DGUOK: variants seen among roughly 807,000 people sequenced by gnomAD.
The protein encoded by DGUOK is deoxyguanosine kinase, mitochondrial.
In DGUOK, 30 loss-of-function variants were observed where a neutral mutation model predicts 36.6. The ratio of observed to expected loss-of-function variants is 0.82; its 90% confidence interval spans 0.61 to 1.11. The LOEUF is 1.11. Among genes scored for constraint, DGUOK ranks in the 50% most tolerant of loss-of-function variants. DGUOK has a pLI of 0.00. For synonymous variants in DGUOK, 145 were observed against 126.3 expected (o/e 1.15, Z -0.99); for missense variants, 361 against 336.4 (o/e 1.07, Z -0.57).
At position 73,958,798 on chromosome 2, in the gene DGUOK, TTG is replaced by T. The variant is rs1188751688; in HGVS notation, c.*66_*67del. 5.6e-5 allele frequency: 81 copies of T among 1,434,712 alleles called. No homozygotes were observed. In the African/African-American group the frequency reaches 1.0e-3, roughly 18 times the overall value. 88.9% of individuals were successfully genotyped at this position (1,434,712 alleles called of 1,614,324 possible). On this transcript the variant is annotated 3_prime_UTR_variant, in exon 7 of 7. Coordinates refer to ENST00000264093, the MANE Select transcript of DGUOK (RefSeq NM_080916.3). ...CTGACTTTCTGAAGCTAGAAAAATGTTGTGTCTCCCAACCACCTTTCCATCCC... is the reference window on the plus strand; with the variant it reads ...CTGACTTTCTGAAGCTAGAAAAATGTTGTCTCCCAACCACCTTTCCATCCC...
Position 73,927,003 on chromosome 2 carries a change from C to A in DGUOK, c.93C>A (p.Gly31=), listed in dbSNP as rs549112717. 8 of 1,611,906 alleles carry A rather than the reference C, an allele frequency of 5.0e-6. No homozygotes were observed. The Admixed American group carries it at 1.3e-4, about 27-fold the overall frequency. Residue 31 remains glycine, a synonymous_variant, in exon 1 of 7, where the codon GGC becomes GGA. Coordinates refer to ENST00000264093, the MANE Select transcript of DGUOK (RefSeq NM_080916.3). The part of the protein sequence containing the change: ...SPLEGVSSSR[G]LHAGRGPRRL... The stretch of plus-strand genomic sequence containing the variant: ...TCGAGGGCGTTTCCTCCTCCAGAGG[C>A]CTGCACGCGGGGCGCGGGCCCCGAA...
At chr2:73,935,764 C>T (rs1681413673) in intron 1 of DGUOK, among the ~76,000 whole-genome samples, 1 of 152,180 alleles carries the variant, frequency 6.6e-6, no homozygotes, top group South Asian at 2.1e-4. Flanking sequence ...GATTACTAAA[C>T]TAGCTTTCCA....
At chr2:73,946,073 T>G (rs1029288405) in intron 2 of DGUOK, among the ~76,000 whole-genome samples, 8 of 91,950 alleles carry the variant, frequency 8.7e-5, no homozygotes, top group Non-Finnish European at 1.2e-4. Context: ...AAAAAAAAAA[T>G]CCGGGGCTGC....
At chr2:73,928,152 A>T (rs1396278612) in intron 1 of DGUOK, among the ~76,000 whole-genome samples, 4 of 151,952 alleles carry the variant, frequency 2.6e-5, no homozygotes, top group African/African-American at 9.7e-5. Flanking sequence ...TTTGAGATGG[A>T]GTTTTGCTCT....
chr2:73,953,649 C>A (rs1258623664), intron 4 of DGUOK, among the ~76,000 whole-genome samples: 2 of 151,162 alleles, frequency 1.3e-5, no homozygotes, highest in Non-Finnish European at 2.9e-5. Context: ...CTCGTAAATA[C>A]TGAGTTTCGA....
intron 4 of DGUOK, among the ~76,000 whole-genome samples, chr2:73,951,800 C>T (rs548174868): frequency 6.6e-6 from 1 of 152,290 alleles, no homozygotes; most frequent in Admixed American, 6.5e-5. Context: ...TTGAGAGTTT[C>T]TGGACATTTT....
intron 2 of DGUOK, among the ~76,000 whole-genome samples, chr2:73,939,773 ATGT>A (rs1681760926): frequency 6.6e-6 from 1 of 152,202 alleles, no homozygotes; most frequent in Non-Finnish European, 1.5e-5. Context: ...TTAATGAGCC[ATGT>A]TGCACCCCTG....
Position 73,927,004 on chromosome 2 carries a change from CTGCACG to C in DGUOK, c.95_100del (p.Leu32_Ala34delinsPro). Reference sequence around the variant, plus strand: ...CGAGGGCGTTTCCTCCTCCAGAGGCCTGCACGCGGGGCGCGGGCCCCGAAGGCTCTC... The same window carrying C: ...CGAGGGCGTTTCCTCCTCCAGAGGCCCGGGGCGCGGGCCCCGAAGGCTCTC... On this transcript the variant is annotated inframe_deletion, in exon 1 of 7. Transcript: ENST00000264093. 6.2e-7 allele frequency: 1 copy of C among 1,611,852 alleles called. No individual in the cohort carries two copies. Among genetic ancestry groups the C allele is most frequent in the Non-Finnish European group, 8.5e-7 (1 of 1,180,036 alleles).
chr2:73,930,782 C>CTTTTTTTTTTTTTTTTTTTTTT (rs1020072202), intron 1 of DGUOK, among the ~76,000 whole-genome samples: 1 of 95,476 alleles, frequency 1.0e-5, no homozygotes, highest in South Asian at 3.6e-4. Context: ...ACATAATTTT[C>CTTTTTTTTTTTTTTTTTTTTTT]TTTTTTTTTT....
chr2:73,947,309 G>A (rs1682406824), intron 3 of DGUOK, among the ~76,000 whole-genome samples: 1 of 151,662 alleles, frequency 6.6e-6, no homozygotes, highest in Non-Finnish European at 1.5e-5. Context: ...GAAAAAAGCA[G>A]ACGAAATTAA....
intron 2 of DGUOK, among the ~76,000 whole-genome samples, chr2:73,941,876 T>G (rs1681925557): frequency 6.6e-6 from 1 of 151,928 alleles, no homozygotes; most frequent in Non-Finnish European, 1.5e-5. Flanking sequence ...ATGTTAAGTA[T>G]ATTAACTCTG....
At chr2:73,931,556 C>T (rs73950322) in intron 1 of DGUOK, among the ~76,000 whole-genome samples, 9,431 of 152,148 alleles carry the variant, frequency 0.062, 459 homozygotes, top group African/African-American at 0.13. Context: ...TGTCGAAGAG[C>T]CTTGTGGACC....
chr2:73,949,080 T>C (rs1235496389), intron 3 of DGUOK, among the ~76,000 whole-genome samples: 2 of 152,084 alleles, frequency 1.3e-5, no homozygotes, highest in Non-Finnish European at 2.9e-5. Context: ...GTCTCCTGAG[T>C]AGCTGGGATT....
chr2:73,933,564 G>T (rs531211713), intron 1 of DGUOK, among the ~76,000 whole-genome samples: 2 of 152,256 alleles, frequency 1.3e-5, no homozygotes, highest in Admixed American at 1.3e-4. Context: ...TTTGTGCTGA[G>T]CAGATGAGTT....
In DGUOK at chr2:73,935,598, T is replaced by C. The variant is rs1250926881; in HGVS notation, c.143-3312T>C. Among the ~76,000 whole-genome samples, 4 of 152,202 alleles carry C rather than the reference T, an allele frequency of 2.6e-5. No individual in the cohort carries two copies. In the East Asian group the frequency reaches 7.7e-4, roughly 29 times the overall value. On this transcript the variant is annotated intron_variant, in intron 1 of 6. Coordinates refer to ENST00000264093, the MANE Select transcript of DGUOK (RefSeq NM_080916.3). Reference sequence around the variant, plus strand: ...AAAGTAATTATTCCACATCTGTGGGTGGTACCTGGCACAGCTCAGTTCCAG... The same window carrying C: ...AAAGTAATTATTCCACATCTGTGGGCGGTACCTGGCACAGCTCAGTTCCAG...
At chr2:73,931,113 A>G (rs976153292) in intron 1 of DGUOK, among the ~76,000 whole-genome samples, 1 of 152,054 alleles carries the variant, frequency 6.6e-6, no homozygotes, top group East Asian at 1.9e-4. Flanking sequence ...CATAATTTTC[A>G]TACTGTGTGG....
Position 73,958,748 on chromosome 2 carries a change from A to G in DGUOK, c.*12A>G, listed in dbSNP as rs774047790. Reference sequence around the variant, plus strand: ...TAAAGAATCTGTAACCAATACCATGAAGTTCAGGCTGTGATCTGGGCTCCC... The same window carrying G: ...TAAAGAATCTGTAACCAATACCATGGAGTTCAGGCTGTGATCTGGGCTCCC... On this transcript the variant is annotated 3_prime_UTR_variant, in exon 7 of 7. Transcript: ENST00000264093. 1 of 1,610,806 alleles carries G rather than the reference A, an allele frequency of 6.2e-7. No homozygotes were observed. The highest frequency in any genetic ancestry group is 8.5e-7 in the Non-Finnish European group (1 of 1,177,022).
intron 2 of DGUOK, among the ~76,000 whole-genome samples, chr2:73,946,380 CTG>C (rs1463509965): frequency 1.3e-5 from 2 of 152,210 alleles, no homozygotes; most frequent in Non-Finnish European, 2.9e-5. Flanking sequence ...TGGTTGTTGA[CTG>C]TTAACTCCTC....
intron 2 of DGUOK, among the ~76,000 whole-genome samples, chr2:73,942,894 T>C (rs534671978): frequency 2.8e-4 from 43 of 152,354 alleles, no homozygotes; most frequent in Middle Eastern, 3.4e-3. Context: ...GTTTTTATCA[T>C]GATCAAATGT....
Sources: allele counts gnomAD v4.1 joint callset (sites outside exome capture counted in the v4.1 genomes callset), GRCh38; gene constraint gnomAD v4.1.1; transcripts MANE v1.5; gene names NCBI Gene and HGNC (gene_info 2026-07-23, HGNC 2026-07-21).